ST8SIA1: variants seen among roughly 807,000 people sequenced by gnomAD.
The protein encoded by ST8SIA1 is alpha-N-acetylneuraminide alpha-2,8-sialyltransferase.
A neutral mutation model predicts 35.9 loss-of-function variants in ST8SIA1; 16 were observed. The ratio of observed to expected loss-of-function variants is 0.45; its 90% CI spans 0.30 to 0.68. The LOEUF is 0.68. Among genes scored for constraint, ST8SIA1 ranks in the 30% least tolerant of loss-of-function variants. ST8SIA1 has a pLI of 0.09. For missense variants in ST8SIA1, 383 were observed against 453.6 expected (o/e 0.84, Z 1.41); for synonymous variants, 170 against 169.6 (o/e 1.00, Z -0.02).
At chr12:22,296,600 G>A (rs893926537) in intron 1 of ST8SIA1, among the ~76,000 whole-genome samples, 1 of 152,102 alleles carries the variant, frequency 6.6e-6, no homozygotes, top group Non-Finnish European at 1.5e-5. Context: ...AAATATTTCT[G>A]TTATACATGA....
chr12:22,278,792 G>GA (rs3216631), intron 2 of ST8SIA1, among the ~76,000 whole-genome samples: 14,104 of 151,656 alleles, frequency 0.093, 807 homozygotes, highest in East Asian at 0.15. Context: ...AACTTGGCAA[G>GA]AAAAAAAACC....
chr12:22,301,323 A>C (rs1453240162), intron 1 of ST8SIA1, among the ~76,000 whole-genome samples: 1 of 151,976 alleles, frequency 6.6e-6, no homozygotes, highest in African/African-American at 2.4e-5. Flanking sequence ...CAAGCAGAAT[A>C]GGTATTAACT....
intron 4 of ST8SIA1, among the ~76,000 whole-genome samples, chr12:22,214,490 G>T (rs1162118716): frequency 6.7e-6 from 1 of 149,916 alleles, no homozygotes; most frequent in African/African-American, 2.5e-5. Flanking sequence ...GAAATGGATT[G>T]TTGCATGTCC....
At chr12:22,226,620 T>TC (rs1313889163) in intron 4 of ST8SIA1, among the ~76,000 whole-genome samples, 1 of 152,176 alleles carries the variant, frequency 6.6e-6, no homozygotes, top group Non-Finnish European at 1.5e-5. Context: ...TCATCTTTTT[T>TC]TTCTCATTAT....
At position 22,221,790 on chromosome 12, in the gene ST8SIA1, C is replaced by A. The variant is rs186264080; in HGVS notation, c.585-19752G>T. On this transcript the variant is annotated intron_variant, in intron 4 of 4. Transcript: ENST00000396037. ...AAAATAAACCTTTTCCTTGCTTATA[C>A]CTATATTAGATGTAGGGCAAATAGT... Among the ~76,000 whole-genome samples the A allele has an allele frequency of 1.1e-4, 17 of 152,276 alleles. No individual in the cohort carries two copies. The East Asian group carries it at 3.3e-3, about 29-fold the overall frequency.
At chr12:22,243,780 C>A (rs555666585) in intron 4 of ST8SIA1, among the ~76,000 whole-genome samples, 24 of 152,116 alleles carry the variant, frequency 1.6e-4, no homozygotes, top group Non-Finnish European at 3.2e-4. Context: ...ACCTGGAATG[C>A]CAGCACTTTG....
chr12:22,275,493 G>A (rs1399588885), intron 2 of ST8SIA1, among the ~76,000 whole-genome samples: 6 of 152,146 alleles, frequency 3.9e-5, no homozygotes, highest in Non-Finnish European at 8.8e-5. Flanking sequence ...GGCAGAGGTT[G>A]CAGTGAGCAG....
intron 2 of ST8SIA1, among the ~76,000 whole-genome samples, chr12:22,268,944 T>A (rs1291344050): frequency 1.3e-5 from 2 of 152,186 alleles, no homozygotes; most frequent in Non-Finnish European, 1.5e-5. Context: ...CAGGTATTAA[T>A]GTAAAAGCTC....
At chr12:22,311,130 C>T (rs1275347862) in intron 1 of ST8SIA1, among the ~76,000 whole-genome samples, 2 of 152,096 alleles carry the variant, frequency 1.3e-5, no homozygotes, top group East Asian at 3.8e-4. Context: ...CATTCATTCA[C>T]CTACTACTTA....
intron 1 of ST8SIA1, among the ~76,000 whole-genome samples, chr12:22,330,529 A>G (rs914195443): frequency 2.6e-5 from 4 of 152,170 alleles, no homozygotes; most frequent in African/African-American, 9.7e-5. Context: ...TCACTCTGCT[A>G]TGTTTCCTGT....
rs904993393 is a variant in ST8SIA1 at position 22,198,888 on chromosome 12, C to T, written c.*2664G>A. On this transcript the variant is annotated 3_prime_UTR_variant, in exon 5 of 5. Transcript: ENST00000396037. The stretch of plus-strand genomic sequence containing the variant: ...CTCTACTAAGTACATGCTATTAGCA[C>T]CCTTGAGTCATGAAAATAAAAAATG... 1 of 152,058 alleles carries T rather than the reference C, an allele frequency of 6.6e-6. No individual in the cohort carries two copies. Among genetic ancestry groups the T allele is most frequent in the Non-Finnish European group, 1.5e-5 (1 of 68,020 alleles). 9.4% of individuals were successfully genotyped at this position (152,058 alleles called of 1,614,324 possible). A position where few individuals can be genotyped will look rare whatever the true frequency, so the allele number is the denominator to read the frequency against.
At chr12:22,277,870 G>C (rs1433178716) in intron 2 of ST8SIA1, among the ~76,000 whole-genome samples, 1 of 152,138 alleles carries the variant, frequency 6.6e-6, no homozygotes. Context: ...CATTACCTGA[G>C]ATCAGGAATA....
chr12:22,274,934 T>C (rs933878568), intron 2 of ST8SIA1, among the ~76,000 whole-genome samples: 1 of 152,204 alleles, frequency 6.6e-6, no homozygotes, highest in African/African-American at 2.4e-5. Flanking sequence ...CAGTAACTGT[T>C]ATTCAATAAC....
intron 4 of ST8SIA1, among the ~76,000 whole-genome samples, chr12:22,225,071 C>T (rs1055487399): frequency 6.6e-6 from 1 of 151,124 alleles, no homozygotes; most frequent in Non-Finnish European, 1.5e-5. Context: ...GATTGTTAGA[C>T]AGCACCAGAA....
chr12:22,262,391 T>C (rs1865802952), intron 2 of ST8SIA1, among the ~76,000 whole-genome samples: 1 of 152,170 alleles, frequency 6.6e-6, no homozygotes, highest in African/African-American at 2.4e-5. Flanking sequence ...CCTCTCCTTG[T>C]GCAATCCACA....
rs969362699 is a variant in ST8SIA1, at chr12:22,198,001, A to G, written c.*3551T>C. 6.6e-6 allele frequency: 1 copy of G among 152,162 alleles called. No homozygotes were observed. Among genetic ancestry groups the G allele is most frequent in the Admixed American group, 6.6e-5 (1 of 15,252 alleles). The allele number at this position is 152,162 out of a possible 1,614,324, so 9.4% of individuals were successfully genotyped here. A position where few individuals can be genotyped will look rare whatever the true frequency, so the allele number is the denominator to read the frequency against. On this transcript the variant is annotated 3_prime_UTR_variant, in exon 5 of 5. Transcript: ENST00000396037. ...GTCTGTGAGTCATTGTCCATATAAA[A>G]ATCTTTCATATAAACATTACTTTTC...
chr12:22,334,159 C>A lies in ST8SIA1; in HGVS notation c.74G>T (p.Arg25Leu). ...ACTGGCTCCCATGGGCAGCCGGGTC[C>A]GCGGGAACTTCCACGCCAGTACAGC... ...AMAVLAWKFP[R>L]TRLPMGASAL... Residue 25 changes from arginine (R) to leucine (L), a missense_variant, in exon 1 of 5, where the codon CGG becomes CTG. By Grantham distance (102) the Arg-to-Leu change is moderately radical (BLOSUM62 -2). Transcript: ENST00000396037. The A allele has an allele frequency of 6.2e-7, 1 of 1,614,020 alleles. No individual in the cohort carries two copies. Among genetic ancestry groups the A allele is most frequent in the Middle Eastern group, 1.6e-4 (1 of 6,062 alleles).
At chr12:22,297,817 T>G (rs879578503) in intron 1 of ST8SIA1, among the ~76,000 whole-genome samples, 6 of 152,256 alleles carry the variant, frequency 3.9e-5, no homozygotes, top group Non-Finnish European at 8.8e-5. Context: ...AACTCAAAAA[T>G]GATGTCTTTT....
chr12:22,225,368 C>T (rs1237461310), intron 4 of ST8SIA1, among the ~76,000 whole-genome samples: 2 of 152,058 alleles, frequency 1.3e-5, no homozygotes, highest in African/African-American at 4.8e-5. Flanking sequence ...CTGGATCCTA[C>T]TAGTAGCTGG....
Sources: allele counts gnomAD v4.1 joint callset (sites outside exome capture counted in the v4.1 genomes callset), GRCh38; gene constraint gnomAD v4.1.1; transcripts MANE v1.5; gene names NCBI Gene and HGNC (gene_info 2026-07-23, HGNC 2026-07-21).